DISC1: variants seen among roughly 807,000 people sequenced by gnomAD.
The protein encoded by DISC1 is DISC1 scaffold protein, also known as disrupted in schizophrenia 1 protein.
In DISC1, 57 loss-of-function variants were observed where a neutral mutation model predicts 84.5. The ratio of observed to expected loss-of-function variants is 0.67; its 90% confidence interval spans 0.55 to 0.84. The LOEUF is 0.84. DISC1 is among the 40% of genes least tolerant of loss of function. DISC1 has a pLI of 0.00. For synonymous variants in DISC1, 411 were observed against 415.2 expected, an observed-to-expected ratio of 0.99 and a Z score of 0.12; for missense variants, 1,000 against 1,057.8, an observed-to-expected ratio of 0.95 and a Z score of 0.76.
chr1:231,906,182 C>T (rs567339235), intron 9 of DISC1, among the ~76,000 whole-genome samples: 17 of 152,106 alleles, frequency 1.1e-4, no homozygotes, highest in African/African-American at 4.1e-4. Flanking sequence ...GTTACCACGC[C>T]GGGCTAATTT....
At position 231,849,404 on chromosome 1, in the gene DISC1, G is replaced by C. The variant is rs536339311; in HGVS notation, c.1981+30887G>C. ...CAAAGTGCTGGGATTACAGGCGTGAGCCACCGTGCCTGGCCTATCCTCATT... is the reference window on the plus strand; with the variant it reads ...CAAAGTGCTGGGATTACAGGCGTGACCCACCGTGCCTGGCCTATCCTCATT... On this transcript the variant is annotated intron_variant, in intron 9 of 12. Coordinates refer to ENST00000439617, the MANE Select transcript of DISC1 (RefSeq NM_018662.3). 1.1e-3 allele frequency among the ~76,000 whole-genome samples: 168 copies of C among 152,260 alleles called. 1 individual carries two copies. Among genetic ancestry groups the C allele is most frequent in the African/African-American group, 3.9e-3 (162 of 41,548 alleles).
intron 9 of DISC1, among the ~76,000 whole-genome samples, chr1:231,894,556 T>A (rs1014158441): frequency 6.6e-6 from 1 of 152,134 alleles, no homozygotes; most frequent in Non-Finnish European, 1.5e-5. Context: ...CCCAGGATCA[T>A]GTGAATGTTT....
chr1:232,023,997 A>T (rs1181403450), intron 11 of DISC1, among the ~76,000 whole-genome samples: 1 of 151,170 alleles, frequency 6.6e-6, no homozygotes, highest in Non-Finnish European at 1.5e-5. Flanking sequence ...ATCTTTGATT[A>T]TTTTAGGGTC....
chr1:231,742,931 GC>G (rs1248169270), intron 3 of DISC1, among the ~76,000 whole-genome samples: 7 of 152,168 alleles, frequency 4.6e-5, no homozygotes, highest in African/African-American at 1.7e-4. Flanking sequence ...AGCTTTTGAT[GC>G]CTACCCTTTT....
Position 232,041,040 on chromosome 1 carries a change from T to G in DISC1, c.*4209T>G, listed in dbSNP as rs563898238. On this transcript the variant is annotated 3_prime_UTR_variant, in exon 13 of 13. Transcript: ENST00000439617. ...TACTTTTACTTTTAATATCCTCACC[T>G]TATCTAATCTTTGAATTTTGTCATG... 1 of 152,364 alleles carries G rather than the reference T, an allele frequency of 6.6e-6. No individual in the cohort carries two copies. Among genetic ancestry groups the G allele is most frequent in the African/African-American group, 2.4e-5 (1 of 41,582 alleles). 9.4% of individuals were successfully genotyped at this position (152,364 alleles called of 1,614,324 possible). A position where few individuals can be genotyped will look rare whatever the true frequency, so the allele number is the denominator to read the frequency against.
intron 9 of DISC1, among the ~76,000 whole-genome samples, chr1:231,856,071 C>T (rs1282908276): frequency 6.6e-6 from 1 of 152,170 alleles, no homozygotes; most frequent in East Asian, 1.9e-4. Context: ...TAAACTCATA[C>T]AAATGTTTGT....
chr1:231,681,542 A>G (rs2063694622), intron 1 of DISC1, among the ~76,000 whole-genome samples: 1 of 152,144 alleles, frequency 6.6e-6, no homozygotes, highest in African/African-American at 2.4e-5. Context: ...GGTCAGGTCC[A>G]GGTGCCTTTG....
At chr1:231,934,220 G>T (rs893170377) in intron 9 of DISC1, among the ~76,000 whole-genome samples, 2 of 152,172 alleles carry the variant, frequency 1.3e-5, no homozygotes, top group African/African-American at 4.8e-5. Context: ...CTTCAGGGTC[G>T]CCATCTCTGT....
At chr1:231,782,027 A>AC (rs1164522282) in intron 6 of DISC1, among the ~76,000 whole-genome samples, 1 of 152,198 alleles carries the variant, frequency 6.6e-6, no homozygotes, top group Non-Finnish European at 1.5e-5. Flanking sequence ...TGCTAAGATG[A>AC]CCCAAAGCAA....
At chr1:231,721,394 C>T (rs1198380570) in intron 3 of DISC1, among the ~76,000 whole-genome samples, 1 of 152,066 alleles carries the variant, frequency 6.6e-6, no homozygotes, top group Non-Finnish European at 1.5e-5. Context: ...TCCTTAGTAC[C>T]ACAGTTGAGG....
In DISC1 at chr1:232,037,648, C is replaced by G. The variant is rs1391362723; in HGVS notation, c.*817C>G. On this transcript the variant is annotated 3_prime_UTR_variant, in exon 13 of 13. Coordinates refer to ENST00000439617, the MANE Select transcript of DISC1 (RefSeq NM_018662.3). ...CAGTGCAGCATTTAGGAAAGCAGTG[C>G]AGTACTCAGTAAGGCAGTGCAGTAC... 6.6e-6 allele frequency: 1 copy of G among 152,242 alleles called. No individual in the cohort carries two copies. The highest frequency in any genetic ancestry group is 1.5e-5 in the Non-Finnish European group (1 of 68,094). The allele number at this position is 152,242 out of a possible 1,614,324, so 9.4% of individuals were successfully genotyped here.
Position 231,770,947 on chromosome 1 carries a change from TGACCCCACTGGTGGGCCA to T in DISC1, c.1513_1530del (p.Thr505_Gln510del). ...CAACTCCAGTGGCAGGGCTGCGACC[TGACCCCACTGGTGGGCCA>T]GCTGTCCCTGGGTCAGCTGCAGGAG... On this transcript the variant is annotated inframe_deletion, in exon 6 of 13. Coordinates refer to ENST00000439617, the MANE Select transcript of DISC1 (RefSeq NM_018662.3). 6.2e-7 allele frequency: 1 copy of T among 1,614,118 alleles called. No homozygotes were observed. Among genetic ancestry groups the T allele is most frequent in the Non-Finnish European group, 8.5e-7 (1 of 1,179,996 alleles).
chr1:231,714,628 GGAGA>G (rs919392527), intron 3 of DISC1, among the ~76,000 whole-genome samples: 11 of 150,996 alleles, frequency 7.3e-5, no homozygotes, highest in South Asian at 2.1e-4. Context: ...CAGAGAGAGA[GGAGA>G]GAGAGAGAAA....
At chr1:231,734,480 TGC>T (rs1055146533) in intron 3 of DISC1, among the ~76,000 whole-genome samples, 1 of 75,956 alleles carries the variant, frequency 1.3e-5, no homozygotes, top group African/African-American at 3.4e-5. Flanking sequence ...TGGCATCACG[TGC>T]TCTCTCTCTC....
At chr1:231,936,855 A>G (rs2091011809) in intron 9 of DISC1, among the ~76,000 whole-genome samples, 1 of 152,200 alleles carries the variant, frequency 6.6e-6, no homozygotes, top group African/African-American at 2.4e-5. Context: ...TTAAACCTTA[A>G]TGAGATTCCA....
rs150259851 is a variant in DISC1, at chr1:231,736,037, T to C, written c.1118-13889T>C. On this transcript the variant is annotated intron_variant, in intron 3 of 12. Transcript: ENST00000439617. ...CTATGTTGCCCAGTCTGATCTTGAA[T>C]TTCTGAGCTCAAGTGATGCTCCTGC... is the stretch of plus-strand genomic sequence containing the variant. Among the ~76,000 whole-genome samples the C allele has an allele frequency of 2.4e-3, 365 of 152,294 alleles. 3 individuals are homozygous for C. The highest frequency in any genetic ancestry group is 8.4e-3 in the African/African-American group (350 of 41,572).
chr1:231,925,840 C>T (rs1299826779), intron 9 of DISC1: 1 of 152,268 alleles, frequency 6.6e-6, no homozygotes, highest in East Asian at 1.9e-4. Context: ...TGCTGACAAC[C>T]ACCAGAAGCT....
intron 9 of DISC1, chr1:231,944,874 A>G (rs1277334502): frequency 6.6e-6 from 1 of 152,244 alleles, no homozygotes; most frequent in African/African-American, 2.4e-5. Context: ...AAAGGGATCA[A>G]TGCAGCAAGA....
chr1:231,791,175 A>G (rs2078323873), intron 6 of DISC1, among the ~76,000 whole-genome samples: 1 of 152,222 alleles, frequency 6.6e-6, no homozygotes, highest in South Asian at 2.1e-4. Flanking sequence ...AATAATGTGT[A>G]TTTACAAATC....
Sources: allele counts gnomAD v4.1 joint callset (sites outside exome capture counted in the v4.1 genomes callset), GRCh38; gene constraint gnomAD v4.1.1; transcripts MANE v1.5; gene names NCBI Gene and HGNC (gene_info 2026-07-23, HGNC 2026-07-21).